The following COMMD10 variants were observed in gnomAD, a reference collection of about 807,000 sequenced individuals.
The protein encoded by COMMD10 is COMM domain containing 10, also known as COMM domain-containing protein 10.
In COMMD10, 33 loss-of-function variants were observed where a neutral mutation model predicts 28.9. That is an observed-to-expected ratio of 1.14 (90% confidence interval 0.87 to 1.53). The LOEUF is 1.53. Ranked by LOEUF, COMMD10 falls within the 40% of genes most tolerant of loss-of-function variation. The pLI is 0.00. For missense variants in COMMD10, 310 were observed against 233.4 expected, an observed-to-expected ratio of 1.33 and a Z score of -2.14; for synonymous variants, 110 against 81.7, an observed-to-expected ratio of 1.35 and a Z score of -1.87.
intron 4 of COMMD10, among the ~76,000 whole-genome samples, chr5:116,117,335 C>CTG (rs1561610360): frequency 6.6e-6 from 1 of 152,110 alleles, no homozygotes; most frequent in Non-Finnish European, 1.5e-5. Context: ...CTGAGACTTC[C>CTG]TATTTAAGTT....
intron 5 of COMMD10, among the ~76,000 whole-genome samples, chr5:116,201,707 C>A (rs11955906): frequency 0.31 from 46,858 of 151,904 alleles, 10,041 homozygotes; most frequent in African/African-American, 0.61. Context: ...AGCTTAATGT[C>A]ACAGACTGAC....
At chr5:116,163,739 C>G (rs1365213060) in intron 5 of COMMD10, among the ~76,000 whole-genome samples, 1 of 152,126 alleles carries the variant, frequency 6.6e-6, no homozygotes, top group Non-Finnish European at 1.5e-5. Flanking sequence ...TTATAAAGCA[C>G]TAAGTTATGT....
Position 116,134,078 on chromosome 5 carries a change from T to G in COMMD10, c.410T>G (p.Val137Gly). The part of the protein sequence containing the change: ...RILAPCKLET[V>G]GWQLNLQMAH... Reference sequence around the variant, plus strand: ...ACCTGTCTTTTATAGCTAGAGACCGTTGGATGGCAGCTTAACCTTCAGATG... The same window carrying G: ...ACCTGTCTTTTATAGCTAGAGACCGGTGGATGGCAGCTTAACCTTCAGATG... Residue 137 changes from valine to glycine, a missense_variant, in exon 5 of 7, where the codon GTT becomes GGT. Coordinates refer to ENST00000274458, the MANE Select transcript of COMMD10 (RefSeq NM_016144.4). 3.8e-6 allele frequency: 6 copies of G among 1,596,674 alleles called. No homozygotes were observed. The highest frequency in any genetic ancestry group is 4.3e-6 in the Non-Finnish European group (5 of 1,163,766).
intron 5 of COMMD10, among the ~76,000 whole-genome samples, chr5:116,282,823 C>T (rs1442094824): frequency 6.6e-6 from 1 of 151,916 alleles, no homozygotes; most frequent in African/African-American, 2.4e-5. Context: ...TACCTCCAAG[C>T]TCTGTCTCCA....
At chr5:116,151,136 C>T (rs1301444590) in intron 5 of COMMD10, among the ~76,000 whole-genome samples, 1 of 151,728 alleles carries the variant, frequency 6.6e-6, no homozygotes, top group Non-Finnish European at 1.5e-5. Flanking sequence ...TTTGTTTTTG[C>T]TTCTGTTTAT....
chr5:116,253,905 C>T (rs907528810), intron 5 of COMMD10, among the ~76,000 whole-genome samples: 12 of 151,248 alleles, frequency 7.9e-5, no homozygotes, highest in South Asian at 4.2e-4. Flanking sequence ...TGGTAGAATT[C>T]GGCTGTGAAT....
chr5:116,290,917 G>A (rs903540569), intron 5 of COMMD10, among the ~76,000 whole-genome samples: 4 of 152,132 alleles, frequency 2.6e-5, no homozygotes, highest in South Asian at 2.1e-4. Flanking sequence ...CCTAGCATCT[G>A]TAGCACCCAT....
intron 5 of COMMD10, among the ~76,000 whole-genome samples, chr5:116,279,940 G>A (rs534755493): frequency 6.6e-6 from 1 of 151,978 alleles, no homozygotes; most frequent in East Asian, 1.9e-4. Flanking sequence ...TTACTGAATG[G>A]AAGTAATTGT....
intron 4 of COMMD10, among the ~76,000 whole-genome samples, chr5:116,104,173 A>G (rs370192973): frequency 1.2e-4 from 18 of 152,276 alleles, no homozygotes; most frequent in East Asian, 7.7e-4. Flanking sequence ...TTTTTTTCCA[A>G]TGCTGTGAGG....
In COMMD10 at chr5:116,240,937, CTA is replaced by C. The variant is rs529112838; in HGVS notation, c.511-50578_511-50577del. Among the ~76,000 whole-genome samples, 574 of 152,300 alleles carry C rather than the reference CTA, an allele frequency of 3.8e-3. 13 individuals are homozygous for C. In the South Asian group the frequency reaches 0.049, roughly 13 times the overall value. The stretch of plus-strand genomic sequence containing the variant: ...TCCAGGCTACAAGATTAATTTTCCT[CTA>C]TGTCTTTAATCTGAGGTAGATCCAT... On this transcript the variant is annotated intron_variant, in intron 5 of 6. Transcript: ENST00000274458.
At chr5:116,185,233 C>G (rs932219707) in intron 5 of COMMD10, among the ~76,000 whole-genome samples, 2 of 128,022 alleles carry the variant, frequency 1.6e-5, no homozygotes, top group African/African-American at 8.7e-5. Context: ...AGAATTTTTA[C>G]TTTTTTTTCA....
At chr5:116,263,868 G>A (rs1437147181) in intron 5 of COMMD10, among the ~76,000 whole-genome samples, 2 of 151,550 alleles carry the variant, frequency 1.3e-5, no homozygotes, top group East Asian at 3.9e-4. Flanking sequence ...AATGTACCCC[G>A]ACCACCTTGG....
intron 5 of COMMD10, among the ~76,000 whole-genome samples, chr5:116,185,237 T>C (rs1748099125): frequency 7.8e-6 from 1 of 128,420 alleles, no homozygotes; most frequent in Admixed American, 7.2e-5. Flanking sequence ...TTTTTACTTT[T>C]TTTTCAGTTT....
intron 5 of COMMD10, among the ~76,000 whole-genome samples, chr5:116,175,366 A>G (rs1753469997): frequency 6.6e-6 from 1 of 152,136 alleles, no homozygotes; most frequent in African/African-American, 2.4e-5. Flanking sequence ...ATGTCACATA[A>G]TGGGTGTTTA....
chr5:116,291,452 G>T (rs540836674), intron 5 of COMMD10, 65 bp from the exon 6 acceptor site: 9 of 1,127,306 alleles, frequency 8.0e-6, no homozygotes, highest in Admixed American at 1.9e-5. Flanking sequence ...AGGTTAGCTG[G>T]AGAGAAAAAA....
chr5:116,105,545 C>T (rs1433429091), intron 4 of COMMD10, among the ~76,000 whole-genome samples: 1 of 152,188 alleles, frequency 6.6e-6, no homozygotes, highest in Non-Finnish European at 1.5e-5. Flanking sequence ...ACCAGCTTCT[C>T]TTTGTACCTC....
chr5:116,128,095 C>T (rs1330723344), intron 4 of COMMD10, among the ~76,000 whole-genome samples: 1 of 151,966 alleles, frequency 6.6e-6, no homozygotes, highest in Non-Finnish European at 1.5e-5. Flanking sequence ...TTTTAGAGAG[C>T]TTCTAGTAAA....
chr5:116,229,298 G>A (rs553902078), intron 5 of COMMD10, among the ~76,000 whole-genome samples: 1 of 152,064 alleles, frequency 6.6e-6, no homozygotes, highest in Non-Finnish European at 1.5e-5. Flanking sequence ...TCTAGGGACA[G>A]GTATTCATAT....
chr5:116,152,473 T>C (rs76507228), intron 5 of COMMD10, among the ~76,000 whole-genome samples: 60 of 152,194 alleles, frequency 3.9e-4, no homozygotes, highest in African/African-American at 1.3e-3. Flanking sequence ...ATCATCATCC[T>C]CAATTTTAAT....
Sources: allele counts gnomAD v4.1 joint callset (sites outside exome capture counted in the v4.1 genomes callset), GRCh38; gene constraint gnomAD v4.1.1; transcripts MANE v1.5; gene names NCBI Gene and HGNC (gene_info 2026-07-23, HGNC 2026-07-21).